Variants in SDK1 observed in about 807,000 individuals in gnomAD.
The protein encoded by SDK1 is protein sidekick-1.
SDK1 carries 157 observed loss-of-function variants against 245.5 expected under a neutral mutation model. The ratio of observed to expected loss-of-function variants is 0.64; its 90% CI spans 0.56 to 0.73. SDK1 has a LOEUF of 0.73. Ranked by LOEUF, SDK1 falls within the 30% of genes least tolerant of loss-of-function variation. The pLI is 0.00. For missense variants in SDK1, 3,583 were observed against 3,002.3 expected (o/e 1.19, Z -4.52); for synonymous variants, 1,647 against 1,278.5 (o/e 1.29, Z -6.15).
intron 8 of SDK1, among the ~76,000 whole-genome samples, chr7:3,960,984 T>C (rs1303641660): frequency 1.3e-5 from 2 of 152,200 alleles, no homozygotes; most frequent in Non-Finnish European, 2.9e-5. Flanking sequence ...ATACTCCCAG[T>C]TCCCTATGTA....
At chr7:3,473,575 A>G (rs1170625154) in intron 1 of SDK1, among the ~76,000 whole-genome samples, 1 of 152,196 alleles carries the variant, frequency 6.6e-6, no homozygotes, top group East Asian at 1.9e-4. Flanking sequence ...GCTGTCCTAA[A>G]TGACCTCCAA....
intron 5 of SDK1, among the ~76,000 whole-genome samples, chr7:3,935,047 C>T (rs1435129746): frequency 3.3e-5 from 5 of 152,256 alleles, no homozygotes; most frequent in Non-Finnish European, 7.3e-5. Flanking sequence ...GCATTCTTTT[C>T]TGTCTGTCTG....
intron 35 of SDK1, among the ~76,000 whole-genome samples, chr7:4,202,721 C>G (rs901165654): frequency 1.9e-4 from 29 of 152,236 alleles, no homozygotes. Context: ...TCTCTGAAGC[C>G]TCCACTCCTC....
chr7:3,375,936 A>G (rs1554498), intron 1 of SDK1, among the ~76,000 whole-genome samples: 74,304 of 152,110 alleles, frequency 0.49, 19,435 homozygotes, highest in South Asian at 0.62. Flanking sequence ...ATATACAGCA[A>G]TAAGTAACTG....
intron 1 of SDK1, among the ~76,000 whole-genome samples, chr7:3,538,990 C>G (rs888220354): frequency 1.3e-5 from 2 of 152,222 alleles, no homozygotes; most frequent in South Asian, 4.1e-4. Flanking sequence ...CATGTCTCTT[C>G]AATGCAGTCA....
At chr7:3,970,419 G>A (rs892284169) in intron 11 of SDK1, among the ~76,000 whole-genome samples, 6 of 152,184 alleles carry the variant, frequency 3.9e-5, no homozygotes, top group African/African-American at 1.4e-4. Flanking sequence ...AGCAGCTTTT[G>A]TTCCATTTGG....
At chr7:4,098,980 T>A (rs1782357475) in intron 22 of SDK1, among the ~76,000 whole-genome samples, 1 of 151,796 alleles carries the variant, frequency 6.6e-6, no homozygotes, top group Admixed American at 6.6e-5. Context: ...GCCACAAATG[T>A]AGTCTAAATT....
intron 4 of SDK1, among the ~76,000 whole-genome samples, chr7:3,781,410 A>G (rs1041527128): frequency 1.3e-5 from 2 of 152,176 alleles, no homozygotes; most frequent in African/African-American, 2.4e-5. Context: ...CCAGAATCAC[A>G]GTCTAGATTA....
At chr7:4,244,589 T>C (rs1310101626) in intron 43 of SDK1, among the ~76,000 whole-genome samples, 1 of 152,196 alleles carries the variant, frequency 6.6e-6, no homozygotes, top group East Asian at 1.9e-4. Flanking sequence ...GCATGGCAAA[T>C]GATCACAAGT....
At chr7:3,879,931 T>C (rs1176057597) in intron 5 of SDK1, among the ~76,000 whole-genome samples, 1 of 152,184 alleles carries the variant, frequency 6.6e-6, no homozygotes. Context: ...GACCATTTTT[T>C]TTTTCCTGCA....
chr7:3,464,149 G>A (rs994456156), intron 1 of SDK1, among the ~76,000 whole-genome samples: 5 of 152,198 alleles, frequency 3.3e-5, no homozygotes, highest in African/African-American at 1.2e-4. Flanking sequence ...ATCGTTCCCT[G>A]AGTGAAACCT....
intron 4 of SDK1, among the ~76,000 whole-genome samples, chr7:3,670,425 T>A (rs1444391056): frequency 6.6e-6 from 1 of 152,198 alleles, no homozygotes; most frequent in Non-Finnish European, 1.5e-5. Flanking sequence ...TTTCACTTAC[T>A]AGGTATGATC....
intron 1 of SDK1, among the ~76,000 whole-genome samples, chr7:3,534,326 A>C (rs539377197): frequency 6.6e-6 from 1 of 152,134 alleles, no homozygotes; most frequent in South Asian, 2.1e-4. Flanking sequence ...TGTCTTGGCT[A>C]TTGTGGATAA....
intron 44 of SDK1, among the ~76,000 whole-genome samples, chr7:4,257,693 T>G (rs1487152039): frequency 1.3e-5 from 2 of 152,310 alleles, no homozygotes; most frequent in East Asian, 3.9e-4. Flanking sequence ...TGTCTCTGCT[T>G]CTTTCTGTAC....
chr7:3,444,280 T>C (rs1310021128), intron 1 of SDK1, among the ~76,000 whole-genome samples: 1 of 152,198 alleles, frequency 6.6e-6, no homozygotes, highest in Admixed American at 6.5e-5. Context: ...TAGCTGGTTT[T>C]GCCTGTTGGA....
intron 18 of SDK1, among the ~76,000 whole-genome samples, chr7:4,050,915 T>G (rs1264815664): frequency 7.0e-6 from 1 of 143,724 alleles, no homozygotes; most frequent in Non-Finnish European, 1.5e-5. Context: ...ATAGTATATA[T>G]AATGTATTAT....
At chr7:3,705,280 G>C (rs1784852094) in intron 4 of SDK1, among the ~76,000 whole-genome samples, 1 of 151,840 alleles carries the variant, frequency 6.6e-6, no homozygotes, top group African/African-American at 2.4e-5. Context: ...GTTTTGGATA[G>C]TATGGTCATT....
At chr7:3,659,405 T>A (rs969936823) in intron 4 of SDK1, among the ~76,000 whole-genome samples, 1 of 152,194 alleles carries the variant, frequency 6.6e-6, no homozygotes, top group African/African-American at 2.4e-5. Flanking sequence ...TCCACAGATA[T>A]AATATTTATA....
intron 17 of SDK1, among the ~76,000 whole-genome samples, chr7:4,046,332 T>C (rs1789014538): frequency 6.6e-6 from 1 of 152,206 alleles, no homozygotes. Flanking sequence ...GTCAGCTTTA[T>C]TCATTTTTTT....
Sources: allele counts gnomAD v4.1 joint callset (sites outside exome capture counted in the v4.1 genomes callset), GRCh38; gene constraint gnomAD v4.1.1; transcripts MANE v1.5; gene names NCBI Gene and HGNC (gene_info 2026-07-23, HGNC 2026-07-21).